TM7SF3: variants seen among roughly 807,000 people sequenced by gnomAD.
TM7SF3 encodes seven span transmembrane protein.
In TM7SF3, 60 loss-of-function variants were observed where a neutral mutation model predicts 65.5. That is an observed-to-expected ratio of 0.92 (90% CI 0.74 to 1.14). The LOEUF is 1.14. Among genes scored for constraint, TM7SF3 ranks in the 50% most tolerant of loss-of-function variants. The pLI is 0.00. For missense variants in TM7SF3, 623 were observed against 684.8 expected (o/e 0.91, Z 1.01); for synonymous variants, 264 against 259.6 (o/e 1.02, Z -0.16).
chr12:26,974,994 AT>A lies in TM7SF3; in HGVS notation c.1450+501del, dbSNP rs1163560501. ...AATCTGAACAATTCATGTGGTAGTC[AT>A]TTTTTTCTTCAAAAAATTTATAGAA... On this transcript the variant is annotated intron_variant, in intron 11 of 11. Coordinates refer to ENST00000343028, the MANE Select transcript of TM7SF3 (RefSeq NM_016551.3). Among the ~76,000 whole-genome samples, 3 of 152,306 alleles carry A rather than the reference AT, an allele frequency of 2.0e-5. No homozygotes were observed. In the East Asian group the frequency reaches 5.8e-4, roughly 29 times the overall value.
intron 8 of TM7SF3, chr12:26,980,162 C>G (rs1939754163): frequency 1.7e-6 from 1 of 589,144 alleles, no homozygotes; most frequent in Non-Finnish European, 3.0e-6. Context: ...GGGCCAGTGA[C>G]AGGCTTGGCT....
intron 9 of TM7SF3, chr12:26,978,219 A>G (rs938229218): frequency 4.7e-6 from 1 of 211,664 alleles, no homozygotes; most frequent in Non-Finnish European, 9.9e-6. Flanking sequence ...AATTATTTTT[A>G]CCAATAGGAA....
chr12:26,992,537 G>A (rs1381467025), intron 5 of TM7SF3, among the ~76,000 whole-genome samples: 1 of 152,184 alleles, frequency 6.6e-6, no homozygotes, highest in Non-Finnish European at 1.5e-5. Context: ...TCCCGCCTTG[G>A]CCTCCCAAAG....
intron 7 of TM7SF3, among the ~76,000 whole-genome samples, 158 bp from the exon 8 acceptor site, chr12:26,980,804 A>G (rs1939782825): frequency 6.6e-6 from 1 of 152,216 alleles, no homozygotes; most frequent in Non-Finnish European, 1.5e-5. Flanking sequence ...AAAAATCTAA[A>G]AGGCAGAAGA....
intron 10 of TM7SF3, among the ~76,000 whole-genome samples, chr12:26,976,006 C>T (rs919452924): frequency 2.6e-5 from 4 of 152,192 alleles, no homozygotes; most frequent in African/African-American, 4.8e-5. Flanking sequence ...GCACTACCTT[C>T]TCTGCTCCCA....
At chr12:26,975,732 A>C in intron 10 of TM7SF3, 74 bp from the exon 11 acceptor site, 1 of 1,440,272 alleles carries the variant, frequency 6.9e-7, no homozygotes, top group Non-Finnish European at 9.5e-7. Context: ...CACTGGCTTC[A>C]ATCACAGGCA....
chr12:26,981,723 CATTTGAGCTACCTTG>C (rs1164056272), intron 7 of TM7SF3, among the ~76,000 whole-genome samples: 3 of 152,168 alleles, frequency 2.0e-5, no homozygotes, highest in African/African-American at 7.2e-5. Context: ...ATCAGGATTA[CATTTGAGCTACCTTG>C]ATGCTCAGTT....
intron 6 of TM7SF3, among the ~76,000 whole-genome samples, chr12:26,989,493 C>G (rs1940249254): frequency 6.6e-6 from 1 of 151,858 alleles, no homozygotes; most frequent in African/African-American, 2.4e-5. Context: ...GTCGGCTCCC[C>G]CACAACCCCT....
At chr12:26,981,336 A>C (rs1939805606) in intron 7 of TM7SF3, among the ~76,000 whole-genome samples, 1 of 152,192 alleles carries the variant, frequency 6.6e-6, no homozygotes, top group Admixed American at 6.5e-5. Flanking sequence ...AACACACCAA[A>C]AAAACCCAGA....
intron 9 of TM7SF3, 121 bp from the exon 10 acceptor site, chr12:26,976,478 G>A: frequency 1.5e-6 from 1 of 651,354 alleles, no homozygotes; most frequent in Non-Finnish European, 2.7e-6. Flanking sequence ...GGAATATGTT[G>A]GCAACTAGAA....
chr12:26,988,664 GAAGAA>G (rs1395145054), intron 6 of TM7SF3, among the ~76,000 whole-genome samples: 3 of 139,508 alleles, frequency 2.2e-5, no homozygotes, highest in African/African-American at 8.2e-5. Context: ...ATGGTTCAGA[GAAGAA>G]AATTGTGTGT....
intron 3 of TM7SF3, among the ~76,000 whole-genome samples, chr12:26,997,256 T>C (rs1241952414): frequency 6.6e-6 from 1 of 152,240 alleles, no homozygotes; most frequent in Non-Finnish European, 1.5e-5. Flanking sequence ...ATCTGGCTCA[T>C]GGTCTGTAGT....
At chr12:26,994,372 T>C (rs935954326) in intron 5 of TM7SF3, among the ~76,000 whole-genome samples, 1 of 152,158 alleles carries the variant, frequency 6.6e-6, no homozygotes, top group African/African-American at 2.4e-5. Flanking sequence ...AAATTTAATA[T>C]GCATAAAAAT....
Position 26,996,868 on chromosome 12 carries a change from T to A in TM7SF3, c.398-6A>T. 1 of 1,603,840 alleles carries A rather than the reference T, an allele frequency of 6.2e-7. No homozygotes were observed. The highest frequency in any genetic ancestry group is 2.2e-5 in the East Asian group (1 of 44,598). On this transcript the variant is annotated splice_polypyrimidine_tract_variant and splice_region_variant and intron_variant, in intron 3 of 11. Coordinates refer to ENST00000343028, the MANE Select transcript of TM7SF3 (RefSeq NM_016551.3). ...ACAGCCTCCAGGGACAGGATCTGGATAAGAAATAGGGAAGTTACTAAACAA... is the reference window on the plus strand; with the variant it reads ...ACAGCCTCCAGGGACAGGATCTGGAAAAGAAATAGGGAAGTTACTAAACAA...
Position 26,979,937 on chromosome 12 carries a change from C to G in TM7SF3, c.1037-1G>C, listed in dbSNP as rs1411818622. On this transcript the variant is annotated splice_acceptor_variant, in intron 8 of 11. Transcript: ENST00000343028. LOFTEE classifies it high-confidence loss of function. ...GTGACAGCTGTCAGAATCAGATTCA[C>G]TGTACAAAGAGAGAGGATGAACTGC... The G allele has an allele frequency of 6.2e-7, 1 of 1,614,094 alleles. No individual in the cohort carries two copies. Among genetic ancestry groups the G allele is most frequent in the African/African-American group, 1.3e-5 (1 of 75,048 alleles).
intron 7 of TM7SF3, among the ~76,000 whole-genome samples, chr12:26,981,325 C>T (rs1272190715): frequency 1.3e-5 from 2 of 152,022 alleles, no homozygotes; most frequent in South Asian, 4.1e-4. Context: ...TGATACATAT[C>T]AACACACCAA....
At chr12:27,006,329 G>A (rs941226056) in intron 1 of TM7SF3, among the ~76,000 whole-genome samples, 9 of 151,632 alleles carry the variant, frequency 5.9e-5, no homozygotes, top group Admixed American at 4.6e-4. Flanking sequence ...AGTAGGGACT[G>A]GGTTTCACTA....
rs7977275 is a variant in TM7SF3 at position 26,980,134 on chromosome 12, A to G, written c.1037-198T>C. ...CTGGGCTGAGACAAGGAAATTAGCT[A>G]GGGAGCTAAACCTCACAGGGCCAGT... On this transcript the variant is annotated intron_variant, in intron 8 of 11. Transcript: ENST00000343028. The G allele has an allele frequency of 5.1e-3, 3,233 of 629,862 alleles. 85 individuals carry two copies. The African/African-American group carries it at 0.053, about 10-fold the overall frequency. 39.0% of individuals were successfully genotyped at this position (629,862 alleles called of 1,614,324 possible). A position where few individuals can be genotyped will look rare whatever the true frequency, so the allele number is the denominator to read the frequency against.
chr12:27,003,397 C>T lies in TM7SF3; in HGVS notation c.92-7G>A, dbSNP rs780918982. ...ACAGAAAATTCAATAAGACCTACAA[C>T]GAGATAAACTTTTCATTACAACACT... On this transcript the variant is annotated splice_polypyrimidine_tract_variant and splice_region_variant and intron_variant, in intron 1 of 11. Coordinates refer to ENST00000343028, the MANE Select transcript of TM7SF3 (RefSeq NM_016551.3). 9.4e-6 allele frequency: 15 copies of T among 1,603,476 alleles called. No individual in the cohort carries two copies. The highest frequency in any genetic ancestry group is 1.7e-4 in the Middle Eastern group (1 of 6,028).
Sources: gnomAD v4.1 joint callset for allele counts (sites outside exome capture counted in the v4.1 genomes callset) on GRCh38, gnomAD v4.1.1 for gene constraint, MANE v1.5 for transcripts, NCBI Gene and HGNC (gene_info 2026-07-23, HGNC 2026-07-21) for gene names.